The following ZNF521 variants were observed in gnomAD, a reference collection of about 807,000 sequenced individuals.
ZNF521 encodes the protein zinc finger protein 521.
Under a neutral mutation model 105.5 loss-of-function variants are expected in ZNF521, and 14 were observed. The observed-to-expected ratio is 0.13, with a 90% CI of 0.09 to 0.21. The LOEUF (loss-of-function observed/expected upper bound fraction) is 0.21, where lower values mean the gene tolerates loss of function less well. Among genes scored for constraint, ZNF521 ranks in the 10% least tolerant of loss-of-function variants. ZNF521 has a pLI of 1.00. For missense variants in ZNF521, 1,233 were observed against 1,629.7 expected (o/e 0.76, Z 4.19); for synonymous variants, 635 against 606.0 (o/e 1.05, Z -0.70).
At chr18:25,350,088 A>G (rs1456015202) in intron 2 of ZNF521, among the ~76,000 whole-genome samples, 6 of 151,940 alleles carry the variant, frequency 3.9e-5, no homozygotes, top group African/African-American at 1.5e-4. Context: ...ATTCCAACAC[A>G]GCCATCAGAT....
intron 5 of ZNF521, among the ~76,000 whole-genome samples, chr18:25,170,535 A>G (rs1225459371): frequency 6.6e-6 from 1 of 152,170 alleles, no homozygotes; most frequent in Non-Finnish European, 1.5e-5. Context: ...AGTTTTGACT[A>G]CACTAAGTGA....
At chr18:25,310,099 C>A (rs1445608891) in intron 3 of ZNF521, among the ~76,000 whole-genome samples, 1 of 152,066 alleles carries the variant, frequency 6.6e-6, no homozygotes, top group Non-Finnish European at 1.5e-5. Flanking sequence ...ATTCTAGTAT[C>A]TCCCACAGCA....
intron 4 of ZNF521, among the ~76,000 whole-genome samples, chr18:25,215,622 A>G (rs985865055): frequency 4.6e-5 from 7 of 152,216 alleles, no homozygotes; most frequent in African/African-American, 1.7e-4. Flanking sequence ...TTTGAAATAC[A>G]AAAACATTCC....
intron 5 of ZNF521, among the ~76,000 whole-genome samples, chr18:25,108,064 C>A (rs867996434): frequency 1.3e-4 from 20 of 152,206 alleles, no homozygotes; most frequent in Admixed American, 6.5e-4. Context: ...ATTATTGTCA[C>A]AGGAATGCAT....
chr18:25,121,239 G>T (rs568641425), intron 5 of ZNF521, among the ~76,000 whole-genome samples: 1 of 144,076 alleles, frequency 6.9e-6, no homozygotes, highest in African/African-American at 2.6e-5. Flanking sequence ...AGCCTCCCGA[G>T]TAGCCACCGC....
At chr18:25,315,263 A>C (rs1912539268) in intron 3 of ZNF521, among the ~76,000 whole-genome samples, 1 of 152,180 alleles carries the variant, frequency 6.6e-6, no homozygotes, top group South Asian at 2.1e-4. Flanking sequence ...TCTATTGCTA[A>C]AATTGAAGAG....
intron 4 of ZNF521, among the ~76,000 whole-genome samples, chr18:25,223,046 T>A (rs974544088): frequency 2.6e-5 from 4 of 152,200 alleles, no homozygotes; most frequent in African/African-American, 9.6e-5. Context: ...TTAACTTTTC[T>A]ATAGGTTTAA....
chr18:25,309,764 G>A (rs983847746), intron 3 of ZNF521, among the ~76,000 whole-genome samples: 1 of 152,120 alleles, frequency 6.6e-6, no homozygotes, highest in South Asian at 2.1e-4. Context: ...ATTTAATTAT[G>A]AGGGGGAACA....
intron 3 of ZNF521, among the ~76,000 whole-genome samples, chr18:25,250,222 C>T (rs1477304002): frequency 6.6e-6 from 1 of 152,160 alleles, no homozygotes; most frequent in African/African-American, 2.4e-5. Flanking sequence ...TTGTCCATTG[C>T]CCTTCAAGTT....
At chr18:25,270,091 T>C (rs1368492202) in intron 3 of ZNF521, among the ~76,000 whole-genome samples, 2 of 151,994 alleles carry the variant, frequency 1.3e-5, no homozygotes, top group Non-Finnish European at 1.5e-5. Flanking sequence ...TAAAAAACGA[T>C]AATGGGGATA....
intron 2 of ZNF521, among the ~76,000 whole-genome samples, chr18:25,338,807 A>G (rs1914042722): frequency 6.6e-6 from 1 of 152,198 alleles, no homozygotes. Flanking sequence ...TTGTGCTAAG[A>G]ATTTACAAAG....
chr18:25,100,670 C>T (rs59931194), intron 5 of ZNF521, among the ~76,000 whole-genome samples: 2,458 of 150,984 alleles, frequency 0.016, 47 homozygotes, highest in African/African-American at 0.058. Context: ...AGAAACTTGG[C>T]CTTGAAGAAT....
chr18:25,306,052 C>T (rs956933971), intron 3 of ZNF521, among the ~76,000 whole-genome samples: 1 of 152,188 alleles, frequency 6.6e-6, no homozygotes, highest in African/African-American at 2.4e-5. Flanking sequence ...CTGAGATTTG[C>T]AATTTAGTCA....
intron 5 of ZNF521, among the ~76,000 whole-genome samples, chr18:25,190,124 C>T (rs1325198186): frequency 6.6e-6 from 1 of 152,138 alleles, no homozygotes; most frequent in Non-Finnish European, 1.5e-5. Context: ...CTTTCTGTTA[C>T]CATTAAACTG....
At chr18:25,137,118 T>C (rs914200692) in intron 5 of ZNF521, among the ~76,000 whole-genome samples, 3 of 152,198 alleles carry the variant, frequency 2.0e-5, no homozygotes, top group Admixed American at 6.6e-5. Flanking sequence ...TTAAATGTAA[T>C]TGAAAGACTG....
At chr18:25,165,732 A>T (rs1350637804) in intron 5 of ZNF521, among the ~76,000 whole-genome samples, 2 of 152,240 alleles carry the variant, frequency 1.3e-5, no homozygotes, top group African/African-American at 4.8e-5. Context: ...TCTGCCTGCA[A>T]TTGGATTCTT....
intron 3 of ZNF521, among the ~76,000 whole-genome samples, chr18:25,230,866 C>A (rs1906485700): frequency 1.3e-5 from 2 of 152,162 alleles, no homozygotes; most frequent in Non-Finnish European, 2.9e-5. Flanking sequence ...TTTAAAGATG[C>A]AAATGTGTGT....
chr18:25,157,001 C>T (rs1210850509), intron 5 of ZNF521, among the ~76,000 whole-genome samples: 1 of 152,072 alleles, frequency 6.6e-6, no homozygotes, highest in Non-Finnish European at 1.5e-5. Flanking sequence ...GAGTTCGAGA[C>T]CAGCCTGGCC....
At chr18:25,186,676 G>C (rs1018300023) in intron 5 of ZNF521, among the ~76,000 whole-genome samples, 1 of 152,044 alleles carries the variant, frequency 6.6e-6, no homozygotes, top group African/African-American at 2.4e-5. Context: ...TATTTCATCA[G>C]AGAGCTGTCA....
Sources: gnomAD v4.1 joint callset for allele counts (sites outside exome capture counted in the v4.1 genomes callset) on GRCh38, gnomAD v4.1.1 for gene constraint, MANE v1.5 for transcripts, NCBI Gene and HGNC (gene_info 2026-07-23, HGNC 2026-07-21) for gene names.